UBASH3B: variants seen among roughly 807,000 people sequenced by gnomAD.
UBASH3B encodes ubiquitin associated and SH3 domain containing B, also known as ubiquitin-associated and SH3 domain-containing protein B.
A neutral mutation model predicts 83.4 loss-of-function variants in UBASH3B; 37 were observed. The observed-to-expected ratio is 0.44, with a 90% confidence interval of 0.34 to 0.58. UBASH3B has a LOEUF of 0.58. Among genes scored for constraint, UBASH3B ranks in the 20% least tolerant of loss-of-function variants. UBASH3B has a pLI of 0.01. For missense variants in UBASH3B, 657 were observed against 827.2 expected (o/e 0.79, Z 2.52); for synonymous variants, 304 against 318.3 (o/e 0.96, Z 0.48).
At chr11:122,753,258 CT>C (rs1039494480) in intron 1 of UBASH3B, among the ~76,000 whole-genome samples, 1 of 151,778 alleles carries the variant, frequency 6.6e-6, no homozygotes, top group Non-Finnish European at 1.5e-5. Flanking sequence ...AGCCTGGCTC[CT>C]GGTCAACATG....
intron 1 of UBASH3B, among the ~76,000 whole-genome samples, chr11:122,739,318 G>A (rs1277944661): frequency 6.6e-6 from 1 of 152,238 alleles, no homozygotes; most frequent in Non-Finnish European, 1.5e-5. Flanking sequence ...TCCACAGTGT[G>A]TGGCTGGGGG....
chr11:122,662,068 C>G (rs1342691380), intron 1 of UBASH3B, among the ~76,000 whole-genome samples: 1 of 151,848 alleles, frequency 6.6e-6, no homozygotes, highest in African/African-American at 2.4e-5. Flanking sequence ...CCATCATGCC[C>G]AGCTAATTTT....
At chr11:122,785,138 C>T (rs1343657081) in intron 5 of UBASH3B, among the ~76,000 whole-genome samples, 1 of 152,236 alleles carries the variant, frequency 6.6e-6, no homozygotes, top group East Asian at 1.9e-4. Context: ...GCCTGACCCA[C>T]ATTCTGCTCA....
At chr11:122,789,431 C>T in intron 6 of UBASH3B, 123 bp downstream of exon 6, 1 of 1,088,614 alleles carries the variant, frequency 9.2e-7, no homozygotes, top group Non-Finnish European at 1.3e-6. Flanking sequence ...TTCCAGAATT[C>T]CAGGAAAGGA....
intron 1 of UBASH3B, among the ~76,000 whole-genome samples, chr11:122,682,910 A>T (rs1456155395): frequency 6.6e-6 from 1 of 152,262 alleles, no homozygotes; most frequent in Non-Finnish European, 1.5e-5. Context: ...ATCCTGTTTC[A>T]TCAATACCAC....
intron 6 of UBASH3B, among the ~76,000 whole-genome samples, chr11:122,793,554 G>A (rs1410762124): frequency 6.6e-6 from 1 of 152,142 alleles, no homozygotes; most frequent in Non-Finnish European, 1.5e-5. Flanking sequence ...AAATTTAAAT[G>A]TTTCCCCTGG....
At chr11:122,702,512 GA>G (rs930084041) in intron 1 of UBASH3B, among the ~76,000 whole-genome samples, 4 of 149,900 alleles carry the variant, frequency 2.7e-5, no homozygotes, top group African/African-American at 7.3e-5. Flanking sequence ...TAAGCAGTAG[GA>G]AAAAAAATCA....
chr11:122,732,864 C>T (rs1265569228), intron 1 of UBASH3B, among the ~76,000 whole-genome samples: 2 of 152,208 alleles, frequency 1.3e-5, no homozygotes, highest in African/African-American at 2.4e-5. Flanking sequence ...TAATCAATAG[C>T]TCCTCCTATT....
At chr11:122,735,574 G>T (rs1860918275) in intron 1 of UBASH3B, among the ~76,000 whole-genome samples, 1 of 152,178 alleles carries the variant, frequency 6.6e-6, no homozygotes, top group African/African-American at 2.4e-5. Context: ...GTCCTCTTTG[G>T]GTTCGGTAAA....
intron 11 of UBASH3B, among the ~76,000 whole-genome samples, chr11:122,803,890 G>C (rs148177331): frequency 6.6e-6 from 1 of 152,072 alleles, no homozygotes; most frequent in African/African-American, 2.4e-5. Context: ...ACAGTACAGG[G>C]CCTGCAGGTG....
intron 1 of UBASH3B, among the ~76,000 whole-genome samples, chr11:122,756,272 C>T (rs772792373): frequency 2.0e-5 from 3 of 152,196 alleles, no homozygotes; most frequent in Non-Finnish European, 4.4e-5. Context: ...ATAATTAGAG[C>T]CAGTAACTGG....
chr11:122,737,267 G>C (rs1410893502), intron 1 of UBASH3B, among the ~76,000 whole-genome samples: 1 of 152,164 alleles, frequency 6.6e-6, no homozygotes, highest in Non-Finnish European at 1.5e-5. Flanking sequence ...AAATTGGAAA[G>C]GGCAAAACCG....
rs181835071 is a variant in UBASH3B at position 122,717,881 on chromosome 11, G to A, written c.162-58338G>A. Among the ~76,000 whole-genome samples, 170 of 149,254 alleles carry A rather than the reference G, an allele frequency of 1.1e-3. 1 individual carries two copies. Among genetic ancestry groups the A allele is most frequent in the African/African-American group, 3.9e-3 (158 of 40,734 alleles). The stretch of plus-strand genomic sequence containing the variant: ...CTGGTGAGAATAAATTCAACTGTAC[G>A]TGGATTTCTCACCCAAGTTTCTTTC... On this transcript the variant is annotated intron_variant, in intron 1 of 13. Transcript: ENST00000284273.
intron 1 of UBASH3B, among the ~76,000 whole-genome samples, chr11:122,763,082 C>G (rs1463010019): frequency 6.6e-6 from 1 of 152,172 alleles, no homozygotes; most frequent in Non-Finnish European, 1.5e-5. Flanking sequence ...TCCACAGTCC[C>G]ATCGCTAATG....
At chr11:122,712,904 T>G (rs866922696) in intron 1 of UBASH3B, among the ~76,000 whole-genome samples, 3 of 92,406 alleles carry the variant, frequency 3.2e-5, no homozygotes, top group African/African-American at 1.3e-4. Flanking sequence ...TGGTTTTTTT[T>G]TTTTTTTTTT....
At chr11:122,743,300 C>G (rs932538319) in intron 1 of UBASH3B, among the ~76,000 whole-genome samples, 5 of 152,144 alleles carry the variant, frequency 3.3e-5, no homozygotes, top group Non-Finnish European at 7.4e-5. Context: ...ACTGCAACCT[C>G]CAACTCCAGG....
At chr11:122,726,909 A>C (rs903569486) in intron 1 of UBASH3B, among the ~76,000 whole-genome samples, 2 of 152,222 alleles carry the variant, frequency 1.3e-5, no homozygotes, top group Admixed American at 1.3e-4. Flanking sequence ...CACATTGATC[A>C]ACCGTTTTGA....
At chr11:122,782,852 T>C in intron 4 of UBASH3B, 1 of 637,402 alleles carries the variant, frequency 1.6e-6, no homozygotes, top group South Asian at 2.0e-5. Flanking sequence ...GGCTATCTCT[T>C]GAACAGTGGC....
At chr11:122,704,905 T>C (rs1034237302) in intron 1 of UBASH3B, among the ~76,000 whole-genome samples, 8 of 152,176 alleles carry the variant, frequency 5.3e-5, no homozygotes, top group South Asian at 2.1e-4. Flanking sequence ...AACTGTCTTA[T>C]GTTTTCCTTA....
Sources: allele counts gnomAD v4.1 joint callset (sites outside exome capture counted in the v4.1 genomes callset), GRCh38; gene constraint gnomAD v4.1.1; transcripts MANE v1.5; gene names NCBI Gene and HGNC (gene_info 2026-07-23, HGNC 2026-07-21).